Variants in CMSS1 observed in about 807,000 individuals in gnomAD.
CMSS1 encodes protein CMSS1.
Under a neutral mutation model 43.5 loss-of-function variants are expected in CMSS1, and 33 were observed. The observed-to-expected ratio is 0.76, with a 90% CI of 0.57 to 1.01. The LOEUF (loss-of-function observed/expected upper bound fraction) is 1.01. Among genes scored for constraint, CMSS1 ranks in the 50% least tolerant of loss-of-function variants. CMSS1 has a pLI of 0.00. For missense variants in CMSS1, 313 were observed against 326.4 expected, an observed-to-expected ratio of 0.96 and a Z score of 0.32; for synonymous variants, 115 against 117.2, an observed-to-expected ratio of 0.98 and a Z score of 0.12.
chr3:100,010,621 T>TG (rs1224794425), intron 1 of CMSS1, among the ~76,000 whole-genome samples: 1 of 151,086 alleles, frequency 6.6e-6, no homozygotes, highest in Non-Finnish European at 1.5e-5. Context: ...TCTTTTTTTT[T>TG]TTTTGTTTTT....
chr3:99,825,471 G>A lies in CMSS1; in HGVS notation c.64+7428G>A, dbSNP rs543329051. Among the ~76,000 whole-genome samples the A allele has an allele frequency of 1.5e-4, 23 of 152,250 alleles. No individual in the cohort carries two copies. In the East Asian group the frequency reaches 3.7e-3, roughly 24 times the overall value. The stretch of plus-strand genomic sequence containing the variant: ...TCTACACTTGAAGGCTGTAACAGAT[G>A]GACACTTAGATAACCTTCATGGTCT... On this transcript the variant is annotated intron_variant, in intron 1 of 9. Transcript: ENST00000421999.
At chr3:99,935,984 CTTA>C (rs1191301702) in intron 1 of CMSS1, among the ~76,000 whole-genome samples, 4 of 152,150 alleles carry the variant, frequency 2.6e-5, no homozygotes, top group Non-Finnish European at 4.4e-5. Context: ...CAGCCAATTA[CTTA>C]TTATAAAATT....
intron 2 of CMSS1, among the ~76,000 whole-genome samples, chr3:100,156,601 G>T (rs1048894516): frequency 7.2e-6 from 1 of 138,214 alleles, no homozygotes; most frequent in Admixed American, 7.2e-5. Flanking sequence ...GCCACCACGC[G>T]CAGCCTTTTT....
chr3:99,841,228 A>G (rs940475123), intron 1 of CMSS1, among the ~76,000 whole-genome samples: 1 of 152,252 alleles, frequency 6.6e-6, no homozygotes, highest in Non-Finnish European at 1.5e-5. Flanking sequence ...ATTGGCCCAG[A>G]GTATATGTAC....
chr3:99,932,484 A>AT (rs201919473), intron 1 of CMSS1, among the ~76,000 whole-genome samples: 43 of 151,090 alleles, frequency 2.8e-4, no homozygotes, highest in Admixed American at 9.2e-4. Flanking sequence ...GTTTTTGAAT[A>AT]TTTTTTTTTC....
chr3:100,074,587 A>G (rs1343095173), intron 1 of CMSS1, among the ~76,000 whole-genome samples: 1 of 151,304 alleles, frequency 6.6e-6, no homozygotes. Flanking sequence ...AAACTAGTAA[A>G]AACTATGCTT....
chr3:99,848,563 C>T lies in CMSS1; in HGVS notation c.64+30520C>T, dbSNP rs182963235. 16 of 1,614,138 alleles carry T rather than the reference C, an allele frequency of 9.9e-6. No individual in the cohort carries two copies. In the East Asian group the frequency reaches 1.6e-4, roughly 16 times the overall value. On this transcript the variant is annotated intron_variant, in intron 1 of 9. Coordinates refer to ENST00000421999, the MANE Select transcript of CMSS1 (RefSeq NM_032359.4). ...ACGCTGAAACTGCCATGATGACTGCCGGTCTGGGGAGACTCTGAATATCGC... is the reference window on the plus strand; with the variant it reads ...ACGCTGAAACTGCCATGATGACTGCTGGTCTGGGGAGACTCTGAATATCGC...
intron 1 of CMSS1, among the ~76,000 whole-genome samples, chr3:99,944,869 A>G (rs535053693): frequency 2.0e-5 from 3 of 152,316 alleles, no homozygotes; most frequent in East Asian, 1.9e-4. Flanking sequence ...AGAAAAAAAC[A>G]TAGATCACCA....
At chr3:99,860,209 TAAG>T (rs1395730306) in intron 1 of CMSS1, among the ~76,000 whole-genome samples, 2 of 152,184 alleles carry the variant, frequency 1.3e-5, no homozygotes, top group Non-Finnish European at 2.9e-5. Context: ...GGCAGGAAGT[TAAG>T]AAGGAGGCTT....
chr3:100,042,601 G>T (rs1420079530), intron 1 of CMSS1, among the ~76,000 whole-genome samples: 1 of 152,174 alleles, frequency 6.6e-6, no homozygotes, highest in Non-Finnish European at 1.5e-5. Flanking sequence ...GTTAACCAGA[G>T]TACATAATTA....
intron 1 of CMSS1, among the ~76,000 whole-genome samples, chr3:99,955,631 G>C (rs1000288838): frequency 2.0e-5 from 3 of 152,134 alleles, no homozygotes; most frequent in African/African-American, 7.2e-5. Context: ...TTTTCCTGGA[G>C]CTCCGTTAGT....
intron 1 of CMSS1, among the ~76,000 whole-genome samples, chr3:100,120,047 AG>A (rs2066606748): frequency 6.6e-6 from 1 of 152,194 alleles, no homozygotes; most frequent in Non-Finnish European, 1.5e-5. Flanking sequence ...TGATAATAAG[AG>A]GTTAACTTTT....
At chr3:99,854,235 G>C (rs1333033227) in intron 1 of CMSS1, among the ~76,000 whole-genome samples, 1 of 152,092 alleles carries the variant, frequency 6.6e-6, no homozygotes, top group Non-Finnish European at 1.5e-5. Context: ...ATGGATTTTA[G>C]ACAACACAGT....
intron 1 of CMSS1, among the ~76,000 whole-genome samples, chr3:100,032,208 A>T (rs1001163226): frequency 6.6e-6 from 1 of 152,212 alleles, no homozygotes; most frequent in Non-Finnish European, 1.5e-5. Flanking sequence ...GGTAGAGGAA[A>T]TTATTGATAT....
chr3:99,900,778 G>T (rs1373724600), intron 1 of CMSS1, among the ~76,000 whole-genome samples: 1 of 152,210 alleles, frequency 6.6e-6, no homozygotes, highest in Non-Finnish European at 1.5e-5. Flanking sequence ...CACAGTTGCT[G>T]TTTCAGCCTC....
chr3:99,904,231 G>A (rs180759400), intron 1 of CMSS1, among the ~76,000 whole-genome samples: 6 of 152,362 alleles, frequency 3.9e-5, no homozygotes, highest in African/African-American at 1.4e-4. Flanking sequence ...CCATAGGCCA[G>A]ATTGTTTCAC....
intron 1 of CMSS1, among the ~76,000 whole-genome samples, chr3:100,122,254 G>A (rs896859655): frequency 2.6e-5 from 4 of 152,340 alleles, no homozygotes; most frequent in Admixed American, 6.5e-5. Flanking sequence ...TCCCTAGGCA[G>A]TAAGACAATT....
At chr3:100,001,800 A>G (rs2107167144) in intron 1 of CMSS1, among the ~76,000 whole-genome samples, 1 of 152,284 alleles carries the variant, frequency 6.6e-6, no homozygotes, top group South Asian at 2.1e-4. Flanking sequence ...CTCATAAATC[A>G]TTTGGCTGAA....
At chr3:100,030,616 C>A (rs547416000) in intron 1 of CMSS1, among the ~76,000 whole-genome samples, 1 of 152,152 alleles carries the variant, frequency 6.6e-6, no homozygotes, top group African/African-American at 2.4e-5. Context: ...ACTCCAAGTT[C>A]AGTTCACCAT....
Sources: gnomAD v4.1 joint callset for allele counts (sites outside exome capture counted in the v4.1 genomes callset) on GRCh38, gnomAD v4.1.1 for gene constraint, MANE v1.5 for transcripts, NCBI Gene and HGNC (gene_info 2026-07-23, HGNC 2026-07-21) for gene names.